The following P4HA2 variants were observed in gnomAD, a reference collection of about 807,000 sequenced individuals.
P4HA2 encodes prolyl 4-hydroxylase subunit alpha-2.
In P4HA2, 46 loss-of-function variants were observed where a neutral mutation model predicts 76.9. That is an observed-to-expected ratio of 0.60 (90% CI 0.47 to 0.76). P4HA2 has a LOEUF of 0.76. Among genes scored for constraint, P4HA2 ranks in the 30% least tolerant of loss-of-function variants. P4HA2 has a pLI of 0.00. For synonymous variants in P4HA2, 243 were observed against 254.0 expected, an observed-to-expected ratio of 0.96 and a Z score of 0.41; for missense variants, 583 against 669.4, an observed-to-expected ratio of 0.87 and a Z score of 1.42.
Position 132,203,826 on chromosome 5 carries a change from A to T in P4HA2, c.1173T>A (p.Asp391Glu). 6.2e-7 allele frequency: 1 copy of T among 1,613,728 alleles called. No homozygotes were observed. Among genetic ancestry groups the T allele is most frequent in the Non-Finnish European group, 8.5e-7 (1 of 1,179,592 alleles). ...GATTTACTCGGGCCACAACAGGGTC[A>T]TCATCTTCCTCTAGCCAGGAGCTGG... is the stretch of plus-strand genomic sequence containing the variant. Reference protein sequence around the residue: ...VSKSSWLEEDDDPVVARVNRR... With the variant: ...VSKSSWLEEDEDPVVARVNRR... The change falls in exon 10 of 15, where the codon GAT (aspartate) becomes GAA (glutamate). Residue 391 changes from aspartate to glutamate, a missense_variant. Transcript: ENST00000360568.
intron 12 of P4HA2, among the ~76,000 whole-genome samples, chr5:132,197,357 C>G (rs1157846333): frequency 1.3e-5 from 2 of 152,156 alleles, no homozygotes; most frequent in Non-Finnish European, 2.9e-5. Flanking sequence ...CCTGTAATCC[C>G]AGCACTTTGG....
At chr5:132,217,124 C>T (rs1754015389) in intron 4 of P4HA2, 73 bp downstream of exon 4, 5 of 1,466,122 alleles carry the variant, frequency 3.4e-6, no homozygotes, top group East Asian at 4.6e-5. Context: ...CCAAGACAGG[C>T]TCAGACACAA....
At chr5:132,196,367 T>C (rs1750646602) in intron 12 of P4HA2, among the ~76,000 whole-genome samples, 1 of 152,154 alleles carries the variant, frequency 6.6e-6, no homozygotes, top group Admixed American at 6.5e-5. Flanking sequence ...CACCAGCCTT[T>C]TTCTACCTTT....
rs755560806 is a variant in P4HA2, at chr5:132,207,743, C to G, written c.1045G>C (p.Glu349Gln). 19 of 1,614,040 alleles carry G rather than the reference C, an allele frequency of 1.2e-5. No homozygotes were observed. Among genetic ancestry groups the G allele is most frequent in the Non-Finnish European group, 1.5e-5 (18 of 1,179,946 alleles). The change falls in exon 8 of 15, where the codon GAA (glutamate) becomes CAA (glutamine). Residue 349 changes from glutamate (E) to glutamine (Q), a missense_variant. Transcript: ENST00000360568. ...VRYYDVMSDE[E>Q]IERIKEIAKP... ...GCGATCTCCTTGATCCTCTCGATTT[C>G]CTCATCAGACATGACATCGTAGTAC...
chr5:132,193,334 ATCATGCCCTT>A (rs971689652), intron 14 of P4HA2: 1 of 348,576 alleles, frequency 2.9e-6, no homozygotes. Flanking sequence ...AGGGCATCTA[ATCATGCCCTT>A]TCATGCCCAT....
rs922297647 is a variant in P4HA2 at position 132,209,029 on chromosome 5, T to C, written c.903+109A>G. 3.4e-5 allele frequency: 26 copies of C among 756,966 alleles called. No homozygotes were observed. The African/African-American group carries it at 4.0e-4, about 12-fold the overall frequency. 46.9% of individuals were successfully genotyped at this position (756,966 alleles called of 1,614,324 possible). ...AGATGCCATGAAAAACTGGGGGATA[T>C]ACTGAGAAAAGTACCTACAGAATAA... On this transcript the variant is annotated intron_variant, in intron 7 of 14. Coordinates refer to ENST00000360568, the MANE Select transcript of P4HA2 (RefSeq NM_001017974.2).
chr5:132,207,852 C>G lies in P4HA2; in HGVS notation c.936G>C (p.Arg312Ser), dbSNP rs751057163. 1.9e-6 allele frequency: 3 copies of G among 1,597,832 alleles called. No homozygotes were observed. In the African/African-American group the frequency reaches 4.0e-5, roughly 21 times the overall value. ...TPRRQKRLFC[R>S]YHHGNRAPQL... Reference sequence around the variant, plus strand: ...GTGGGGCCCTGTTGCCATGGTGGTACCTACAGAAAAGCCTCTTCTGTCTAC... The same window carrying G: ...GTGGGGCCCTGTTGCCATGGTGGTAGCTACAGAAAAGCCTCTTCTGTCTAC... Residue 312 changes from arginine (R) to serine (S), a missense_variant, in exon 8 of 15, where the codon AGG (arginine) becomes AGC (serine). Arg to Ser is a moderately radical substitution (Grantham distance 110). Transcript: ENST00000360568.
chr5:132,210,783 G>A (rs1287628716), intron 5 of P4HA2, among the ~76,000 whole-genome samples: 1 of 152,158 alleles, frequency 6.6e-6, no homozygotes, highest in African/African-American at 2.4e-5. Flanking sequence ...GCCTTTTTAG[G>A]GGGAGCCCCA....
intron 8 of P4HA2, among the ~76,000 whole-genome samples, chr5:132,205,385 G>C (rs1299258176): frequency 6.6e-6 from 1 of 152,150 alleles, no homozygotes; most frequent in Non-Finnish European, 1.5e-5. Context: ...GAGAGAACAG[G>C]CTGAAGAGAC....
At position 132,207,616 on chromosome 5, in the gene P4HA2, T is replaced by C. The variant is rs750003996; in HGVS notation, c.1080+92A>G. On this transcript the variant is annotated intron_variant, in intron 8 of 14. Transcript: ENST00000360568. ...ATGCTAGATATGGATAAAGGGTGGC[T>C]AGATGGGCAAACCAACCACCCATAG... The C allele has an allele frequency of 6.0e-5, 64 of 1,063,808 alleles. 1 individual carries two copies. The South Asian group carries it at 8.5e-4, about 14-fold the overall frequency. 65.9% of individuals were successfully genotyped at this position (1,063,808 alleles called of 1,614,324 possible).
At position 132,192,009 on chromosome 5, in the gene P4HA2, A is replaced by G. The variant is rs1415272797; in HGVS notation, c.*1001T>C. The G allele has an allele frequency of 1.3e-5, 2 of 152,248 alleles. No individual in the cohort carries two copies. Among genetic ancestry groups the G allele is most frequent in the Non-Finnish European group, 2.9e-5 (2 of 68,058 alleles). The allele number at this position is 152,248 out of a possible 1,614,324, so 9.4% of individuals were successfully genotyped here. ...GAACAAAAGAAGCCACATACCCAAAAATATTTACTCTCATTCTATTAGTAA... is the reference window on the plus strand; with the variant it reads ...GAACAAAAGAAGCCACATACCCAAAGATATTTACTCTCATTCTATTAGTAA... On this transcript the variant is annotated 3_prime_UTR_variant, in exon 15 of 15. Coordinates refer to ENST00000360568, the MANE Select transcript of P4HA2 (RefSeq NM_001017974.2).
intron 5 of P4HA2, among the ~76,000 whole-genome samples, chr5:132,213,702 G>A (rs1753426820): frequency 6.6e-6 from 1 of 152,180 alleles, no homozygotes; most frequent in Admixed American, 6.5e-5. Flanking sequence ...GATGCAAGAG[G>A]AGAGGGCCTT....
At chr5:132,203,888 G>A in intron 9 of P4HA2, 41 bp from the exon 10 acceptor site, 2 of 1,473,426 alleles carry the variant, frequency 1.4e-6, no homozygotes, top group Non-Finnish European at 1.9e-6. Context: ...AGACGGAAGG[G>A]CAGGCTTCCA....
At position 132,214,040 on chromosome 5, in the gene P4HA2, G is replaced by T. The variant is rs1402223934; in HGVS notation, c.345C>A (p.Asn115Lys). The T allele has an allele frequency of 1.3e-5, 21 of 1,613,962 alleles. No homozygotes were observed. The highest frequency in any genetic ancestry group is 1.5e-5 in the Non-Finnish European group (18 of 1,179,988). Residue 115 changes from asparagine (N) to lysine (K), a missense_variant, in exon 5 of 15, where the codon AAC becomes AAA. By Grantham distance (94) the Asn-to-Lys change is moderately conservative. Coordinates refer to ENST00000360568, the MANE Select transcript of P4HA2 (RefSeq NM_001017974.2). ...GGAAGAACTGCCGCTGCACAGAGAG[G>T]TTGGCGATAAAACCTTCCAAATGAG... ...LQDSAAGFIANLSVQRQFFPT... is the reference protein window; with the variant it reads ...LQDSAAGFIAKLSVQRQFFPT...
chr5:132,198,121 A>C, intron 12 of P4HA2, 200 bp downstream of exon 12: 1 of 1,583,626 alleles, frequency 6.3e-7, no homozygotes, highest in Non-Finnish European at 8.6e-7. Flanking sequence ...ACAGCAGATG[A>C]GATCAGCCCT....
Position 132,204,138 on chromosome 5 carries a change from G to A in P4HA2, c.1095C>T (p.Thr365=), listed in dbSNP as rs376792903. The A allele has an allele frequency of 1.1e-5, 17 of 1,613,018 alleles. No individual in the cohort carries two copies. In the African/African-American group the frequency reaches 1.1e-4, roughly 10 times the overall value. The change falls in exon 9 of 15, where the codon ACC becomes ACT. Residue 365 remains threonine, a synonymous_variant. Coordinates refer to ENST00000360568, the MANE Select transcript of P4HA2 (RefSeq NM_001017974.2). The stretch of plus-strand genomic sequence containing the variant: ...GGACTCCTGTCTTGGGATCACGAAC[G>A]GTGGCTCGTGCAAGCTAGAAGGAAG... The part of the protein sequence containing the change: ...EIAKPKLARA[T]VRDPKTGVLT...
chr5:132,220,740 C>T (rs1324447608), intron 1 of P4HA2, among the ~76,000 whole-genome samples: 1 of 152,190 alleles, frequency 6.6e-6, no homozygotes, highest in Non-Finnish European at 1.5e-5. Flanking sequence ...AGCCTGGAGG[C>T]AGAGCCTCAA....
In P4HA2 at chr5:132,218,552, G is replaced by C; in HGVS notation, c.75C>G (p.Thr25=). ...AGTCCTGTTGGCACGTACCAATAGAGGTGAAGAATTCGGCCTGCACACAGC... is the reference window on the plus strand; with the variant it reads ...AGTCCTGTTGGCACGTACCAATAGACGTGAAGAATTCGGCCTGCACACAGC... ...VLSCVQAEFF[T]SIGHMTDLIY... Residue 25 remains threonine, a synonymous_variant, in exon 2 of 15, where the codon ACC becomes ACG. Coordinates refer to ENST00000360568, the MANE Select transcript of P4HA2 (RefSeq NM_001017974.2). 6.2e-7 allele frequency: 1 copy of C among 1,611,040 alleles called. No individual in the cohort carries two copies.
chr5:132,195,572 C>A (rs1489961565), intron 12 of P4HA2, 92 bp from the exon 13 acceptor site: 1 of 914,078 alleles, frequency 1.1e-6, no homozygotes, highest in Admixed American at 1.8e-5. Flanking sequence ...ATAGATTGCC[C>A]TCCTCTCAGC....
Sources: allele counts gnomAD v4.1 joint callset (sites outside exome capture counted in the v4.1 genomes callset), GRCh38; gene constraint gnomAD v4.1.1; transcripts MANE v1.5; gene names NCBI Gene and HGNC (gene_info 2026-07-23, HGNC 2026-07-21).